GALNT13: variants seen among roughly 807,000 people sequenced by gnomAD.
The protein encoded by GALNT13 is UDP-GalNAc:polypeptide N-acetylgalactosaminyltransferase 13.
GALNT13 carries 28 observed loss-of-function variants against 64.2 expected under a neutral mutation model. The ratio of observed to expected loss-of-function variants is 0.44; its 90% CI spans 0.32 to 0.60. GALNT13 has a LOEUF of 0.60. GALNT13 is among the 20% of genes least tolerant of loss of function. The pLI, the probability that GALNT13 is intolerant of heterozygous loss-of-function variation, is 0.05. For missense variants in GALNT13, 577 were observed against 669.8 expected, an observed-to-expected ratio of 0.86 and a Z score of 1.53; for synonymous variants, 214 against 224.6, an observed-to-expected ratio of 0.95 and a Z score of 0.42.
intron 3 of GALNT13, among the ~76,000 whole-genome samples, chr2:153,994,160 G>T (rs923156291): frequency 6.6e-6 from 1 of 152,102 alleles, no homozygotes; most frequent in Non-Finnish European, 1.5e-5. Context: ...GTGAGAACAT[G>T]CAGTGTTTGG....
chr2:153,932,595 C>A lies in GALNT13; in HGVS notation c.-104-11799C>A, dbSNP rs116077182. Among the ~76,000 whole-genome samples the A allele has an allele frequency of 4.7e-3, 661 of 139,178 alleles. 11 individuals carry two copies. The highest frequency in any genetic ancestry group is 0.017 in the African/African-American group (638 of 37,956). 91.3% of individuals were successfully genotyped at this position (139,178 alleles called of 152,430 possible). On this transcript the variant is annotated intron_variant, in intron 2 of 12. Transcript: ENST00000392825. ...TAATTGTATGTTTTTGACAGATCTT[C>A]TTTTTCTTTTTTTTCTTTTTTTCTG...
the GALNT13 span, among the ~76,000 whole-genome samples, chr2:153,573,249 A>G: frequency 1.3e-3 from 193 of 152,028 alleles, no homozygotes; most frequent in Non-Finnish European, 1.8e-3. Flanking sequence ...TGTCTTATAT[A>G]AGTATAGCTA....
chr2:154,166,949 G>GCA (rs1341017059), intron 4 of GALNT13, among the ~76,000 whole-genome samples: 1 of 151,974 alleles, frequency 6.6e-6, no homozygotes, highest in African/African-American at 2.4e-5. Context: ...GACACAGGAA[G>GCA]GGGAACATCA....
At chr2:153,765,695 CA>C in the GALNT13 span, among the ~76,000 whole-genome samples, 2 of 152,006 alleles carry the variant, frequency 1.3e-5, no homozygotes, top group Admixed American at 6.6e-5. Flanking sequence ...TGGGAGGGGT[CA>C]GGGGCAGAAT....
the GALNT13 span, among the ~76,000 whole-genome samples, chr2:153,541,498 G>A: frequency 1.3e-5 from 2 of 152,048 alleles, no homozygotes; most frequent in African/African-American, 2.4e-5. Context: ...TTCTTCTCCA[G>A]TGTGGGTCAT....
the GALNT13 span, among the ~76,000 whole-genome samples, chr2:153,771,276 CACA>C: frequency 2.0e-5 from 3 of 152,074 alleles, no homozygotes; most frequent in Non-Finnish European, 4.4e-5. Flanking sequence ...AAACTGCCAC[CACA>C]ACAAGATCTT....
At chr2:153,985,418 C>T (rs539409101) in intron 3 of GALNT13, among the ~76,000 whole-genome samples, 1 of 151,986 alleles carries the variant, frequency 6.6e-6, no homozygotes, top group South Asian at 2.1e-4. Flanking sequence ...CCTTCCTGTT[C>T]AGTTGTATTC....
At chr2:154,432,341 C>T (rs1700749071) in intron 11 of GALNT13, among the ~76,000 whole-genome samples, 1 of 152,078 alleles carries the variant, frequency 6.6e-6, no homozygotes, top group South Asian at 2.1e-4. Flanking sequence ...GCAAAATTTG[C>T]AATGACAATC....
At chr2:154,337,047 T>C (rs548551170) in intron 9 of GALNT13, among the ~76,000 whole-genome samples, 2 of 152,134 alleles carry the variant, frequency 1.3e-5, no homozygotes, top group African/African-American at 4.8e-5. Flanking sequence ...TAAAAAAATA[T>C]ACATGTATGC....
At chr2:153,746,146 A>C in the GALNT13 span, among the ~76,000 whole-genome samples, 1 of 152,210 alleles carries the variant, frequency 6.6e-6, no homozygotes, top group Non-Finnish European at 1.5e-5. Context: ...TGTGATATAC[A>C]TGCATAGCAG....
rs1199821218 is a variant in GALNT13, at chr2:154,130,547, T to TA, written c.143-9789dup. Among the ~76,000 whole-genome samples the TA allele has an allele frequency of 2.0e-5, 3 of 152,320 alleles. No individual in the cohort carries two copies. The East Asian group carries it at 5.8e-4, about 29-fold the overall frequency. ...TCGTAATTGCAAATTTTGTGAAAGATATATATATTTTTTACTTCCAAAAAG... is the reference window on the plus strand; with the variant it reads ...TCGTAATTGCAAATTTTGTGAAAGATAATATATATTTTTTACTTCCAAAAAG... On this transcript the variant is annotated intron_variant, in intron 3 of 12. Coordinates refer to ENST00000392825, the MANE Select transcript of GALNT13 (RefSeq NM_052917.4).
Position 154,405,912 on chromosome 2 carries a change from A to AG in GALNT13, c.1297-3071dup, listed in dbSNP as rs1434617645. ...GGGAAATAGATACTTGTAAGAATTA[A>AG]GAGGGGGAAAATCCCAGATTGTCAT... On this transcript the variant is annotated intron_variant, in intron 10 of 12. Transcript: ENST00000392825. 7.2e-5 allele frequency among the ~76,000 whole-genome samples: 11 copies of AG among 152,188 alleles called. No homozygotes were observed. The East Asian group carries it at 7.7e-4, about 11-fold the overall frequency.
At chr2:153,519,620 C>A in the GALNT13 span, among the ~76,000 whole-genome samples, 1 of 152,064 alleles carries the variant, frequency 6.6e-6, no homozygotes, top group Non-Finnish European at 1.5e-5. Context: ...ACAAATCAAG[C>A]CATTCTGTTG....
the GALNT13 span, among the ~76,000 whole-genome samples, chr2:153,833,726 A>G: frequency 6.6e-6 from 1 of 152,122 alleles, no homozygotes; most frequent in African/African-American, 2.4e-5. Flanking sequence ...ATACGAAACA[A>G]GCAGCAGGCC....
the GALNT13 span, among the ~76,000 whole-genome samples, chr2:153,838,793 A>G: frequency 6.6e-6 from 1 of 151,910 alleles, no homozygotes; most frequent in African/African-American, 2.4e-5. Context: ...CACAAATTTT[A>G]GGATTTTTTT....
rs774426701 is a variant in GALNT13, at chr2:154,450,866, A to G, written c.*315A>G. The G allele has an allele frequency of 9.8e-6, 2 of 203,140 alleles. No homozygotes were observed. The highest frequency in any genetic ancestry group is 2.0e-5 in the Non-Finnish European group (2 of 100,518). 12.6% of individuals were successfully genotyped at this position (203,140 alleles called of 1,614,324 possible). On this transcript the variant is annotated 3_prime_UTR_variant, in exon 13 of 13. Transcript: ENST00000392825. ...CATAGGGTTAATTGGAGGTTATTTT[A>G]TTTTTGGTTGTCATGGTGATTGAAA...
chr2:154,153,851 A>G (rs937883414), intron 4 of GALNT13, among the ~76,000 whole-genome samples: 1 of 152,226 alleles, frequency 6.6e-6, no homozygotes, highest in Admixed American at 6.5e-5. Context: ...TTCTTTGACT[A>G]GGAAAGGGAA....
intron 4 of GALNT13, among the ~76,000 whole-genome samples, chr2:154,228,455 G>C (rs895707445): frequency 6.6e-6 from 1 of 152,104 alleles, no homozygotes; most frequent in Non-Finnish European, 1.5e-5. Flanking sequence ...CTCCATGAGG[G>C]AATTATTTTC....
intron 9 of GALNT13, among the ~76,000 whole-genome samples, chr2:154,389,152 T>C (rs1170509895): frequency 6.6e-6 from 1 of 152,212 alleles, no homozygotes; most frequent in South Asian, 2.1e-4. Context: ...GGGTGGTTTT[T>C]TGAGATGTGG....
Sources: allele counts gnomAD v4.1 joint callset (sites outside exome capture counted in the v4.1 genomes callset), GRCh38; gene constraint gnomAD v4.1.1; transcripts MANE v1.5; gene names NCBI Gene and HGNC (gene_info 2026-07-23, HGNC 2026-07-21).